EBF2: variants seen among roughly 807,000 people sequenced by gnomAD.
EBF2 encodes EBF transcription factor 2.
EBF2 carries 21 observed loss-of-function variants against 72.8 expected under a neutral mutation model. The ratio of observed to expected loss-of-function variants is 0.29; its 90% CI spans 0.20 to 0.42. The LOEUF (loss-of-function observed/expected upper bound fraction) is 0.42, where lower values mean the gene tolerates loss of function less well. Among genes scored for constraint, EBF2 ranks in the 10% least tolerant of loss-of-function variants. The pLI, the probability that EBF2 is intolerant of heterozygous loss-of-function variation, is 1.00. For missense variants in EBF2, 637 were observed against 731.2 expected (o/e 0.87, Z 1.49); for synonymous variants, 299 against 274.2 (o/e 1.09, Z -0.89).
chr8:26,028,649 G>C (rs1175233630), intron 6 of EBF2, among the ~76,000 whole-genome samples: 1 of 152,228 alleles, frequency 6.6e-6, no homozygotes, highest in African/African-American at 2.4e-5. Context: ...AGATAGAGAA[G>C]AGAGTTTGAA....
intron 6 of EBF2, among the ~76,000 whole-genome samples, chr8:25,982,570 A>C (rs1049032895): frequency 6.7e-6 from 1 of 148,442 alleles, no homozygotes. Context: ...AGAAACTTCT[A>C]TCTAAAAGGA....
chr8:26,035,232 T>C (rs918667282), intron 5 of EBF2, among the ~76,000 whole-genome samples: 2 of 151,956 alleles, frequency 1.3e-5, no homozygotes, highest in Non-Finnish European at 2.9e-5. Flanking sequence ...AGTCTCAACC[T>C]TCCAGGTTTA....
intron 2 of EBF2, among the ~76,000 whole-genome samples, chr8:26,041,690 G>C (rs936881108): frequency 6.6e-6 from 1 of 152,236 alleles, no homozygotes; most frequent in Non-Finnish European, 1.5e-5. Flanking sequence ...GGCAGGCCAA[G>C]GCTGGGCTGC....
At chr8:25,869,642 G>A (rs749751055) in intron 10 of EBF2, among the ~76,000 whole-genome samples, 6 of 152,076 alleles carry the variant, frequency 3.9e-5, no homozygotes, top group East Asian at 3.9e-4. Flanking sequence ...AAGAATAGCC[G>A]TATGTTTAAG....
intron 6 of EBF2, among the ~76,000 whole-genome samples, chr8:25,966,689 G>A (rs924784374): frequency 6.6e-6 from 1 of 152,178 alleles, no homozygotes; most frequent in African/African-American, 2.4e-5. Context: ...AAAAGACTGA[G>A]CCTGATCTTC....
intron 6 of EBF2, among the ~76,000 whole-genome samples, chr8:25,922,276 C>A (rs1413800987): frequency 1.3e-5 from 2 of 151,080 alleles, no homozygotes; most frequent in African/African-American, 4.9e-5. Context: ...ACAAAAAAAA[C>A]ACCTGGTTTT....
intron 6 of EBF2, among the ~76,000 whole-genome samples, chr8:25,930,847 C>T (rs551192597): frequency 1.3e-5 from 2 of 152,218 alleles, no homozygotes; most frequent in African/African-American, 2.4e-5. Flanking sequence ...TCTGGACACA[C>T]AGTAGGCATA....
intron 5 of EBF2, among the ~76,000 whole-genome samples, chr8:26,035,983 A>C (rs1184890553): frequency 6.6e-6 from 1 of 152,068 alleles, no homozygotes; most frequent in Non-Finnish European, 1.5e-5. Context: ...TTAGCAACAC[A>C]GTTTCAAAAG....
chr8:26,033,189 T>G, intron 5 of EBF2, 36 bp from the exon 6 acceptor site: 1 of 1,601,816 alleles, frequency 6.2e-7, no homozygotes, highest in Non-Finnish European at 8.6e-7. Flanking sequence ...TGAAAGAAAT[T>G]TATTAAATCA....
At chr8:25,869,652 G>A (rs1052848480) in intron 10 of EBF2, among the ~76,000 whole-genome samples, 3 of 152,136 alleles carry the variant, frequency 2.0e-5, no homozygotes, top group Non-Finnish European at 4.4e-5. Context: ...GTATGTTTAA[G>A]TAGAATTATT....
chr8:25,902,202 A>G (rs1398049498), intron 7 of EBF2, among the ~76,000 whole-genome samples: 1 of 152,040 alleles, frequency 6.6e-6, no homozygotes, highest in East Asian at 1.9e-4. Context: ...TCCTAGCTTG[A>G]TTTTCTTTTG....
rs1288434153 is a variant in EBF2, at chr8:26,045,406, A to G, written c.-547T>C. ...GCGCGGGCCCCATGAATGGGTTACT[A>G]CGGCCCTGGCTGCGGGAGGCGGAGC... is the stretch of plus-strand genomic sequence containing the variant. On this transcript the variant is annotated 5_prime_UTR_variant, in exon 1 of 16. Transcript: ENST00000520164. The G allele has an allele frequency of 6.6e-6, 1 of 152,250 alleles. No individual in the cohort carries two copies. Among genetic ancestry groups the G allele is most frequent in the Non-Finnish European group, 1.5e-5 (1 of 68,090 alleles). 9.4% of individuals were successfully genotyped at this position (152,250 alleles called of 1,614,324 possible). A position where few individuals can be genotyped will look rare whatever the true frequency, so the allele number is the denominator to read the frequency against.
chr8:25,844,139 T>C lies in EBF2; in HGVS notation c.*470A>G, dbSNP rs1462833528. On this transcript the variant is annotated 3_prime_UTR_variant, in exon 16 of 16. Coordinates refer to ENST00000520164, the MANE Select transcript of EBF2 (RefSeq NM_022659.4). ...CAATTCAGGTTGCGTTTTAAGAAAG[T>C]CTTCCGTGCTGGTACCCTGTTTTGT... The C allele has an allele frequency of 6.5e-6, 1 of 153,646 alleles. No individual in the cohort carries two copies. The highest frequency in any genetic ancestry group is 2.4e-5 in the African/African-American group (1 of 41,458). The allele number at this position is 153,646 out of a possible 1,614,324, so 9.5% of individuals were successfully genotyped here.
intron 10 of EBF2, among the ~76,000 whole-genome samples, chr8:25,870,567 A>T (rs1802418915): frequency 6.6e-6 from 1 of 152,106 alleles, no homozygotes; most frequent in Non-Finnish European, 1.5e-5. Context: ...GCTGGGCTCT[A>T]ATCAGTGCAC....
chr8:25,889,953 T>C (rs1802751299), intron 7 of EBF2, 84 bp from the exon 8 acceptor site: 2 of 1,177,110 alleles, frequency 1.7e-6, no homozygotes, highest in East Asian at 2.4e-5. Context: ...AATTCTGTTT[T>C]GCCACACTTC....
intron 10 of EBF2, among the ~76,000 whole-genome samples, chr8:25,865,955 G>T (rs1316496289): frequency 6.6e-6 from 1 of 151,816 alleles, no homozygotes; most frequent in Non-Finnish European, 1.5e-5. Context: ...AACCCAGGAG[G>T]TGGAGCTTGC....
At chr8:26,006,374 T>C (rs1341088594) in intron 6 of EBF2, among the ~76,000 whole-genome samples, 1 of 152,216 alleles carries the variant, frequency 6.6e-6, no homozygotes, top group Non-Finnish European at 1.5e-5. Flanking sequence ...ACAACCTCTA[T>C]AATTCTTTTC....
chr8:26,027,925 T>C (rs75523934), intron 6 of EBF2, among the ~76,000 whole-genome samples: 3,600 of 152,226 alleles, frequency 0.024, 49 homozygotes, highest in African/African-American at 0.029. Context: ...CATAGAGACA[T>C]TAAATACAAT....
chr8:26,039,722 G>T (rs1585237777), intron 5 of EBF2, among the ~76,000 whole-genome samples: 1 of 152,242 alleles, frequency 6.6e-6, no homozygotes, highest in South Asian at 2.1e-4. Context: ...CCGGCCCGGG[G>T]TTGCCCAGCC....
Sources: gnomAD v4.1 joint callset for allele counts (sites outside exome capture counted in the v4.1 genomes callset) on GRCh38, gnomAD v4.1.1 for gene constraint, MANE v1.5 for transcripts, NCBI Gene and HGNC (gene_info 2026-07-23, HGNC 2026-07-21) for gene names.